Variants in OTOP1 observed in about 807,000 individuals in gnomAD.
OTOP1 encodes proton channel OTOP1.
OTOP1 carries 59 observed loss-of-function variants against 52.9 expected under a neutral mutation model. The ratio of observed to expected loss-of-function variants is 1.12; its 90% CI spans 0.91 to 1.39. The LOEUF (loss-of-function observed/expected upper bound fraction) is 1.39, where lower values mean the gene tolerates loss of function less well. Ranked by LOEUF, OTOP1 falls within the 40% of genes most tolerant of loss-of-function variation. The probability of loss-of-function intolerance (pLI) is 0.00; values close to 1 mark genes in which losing one functional copy is unlikely to be tolerated. For missense variants in OTOP1, 761 were observed against 800.9 expected (o/e 0.95, Z 0.60); for synonymous variants, 317 against 337.7 (o/e 0.94, Z 0.67).
intron 5 of OTOP1, among the ~76,000 whole-genome samples, chr4:4,193,296 C>T (rs1716552924): frequency 6.6e-6 from 1 of 152,152 alleles, no homozygotes; most frequent in South Asian, 2.1e-4. Flanking sequence ...TACACCATTC[C>T]TTAGAAGAGG....
intron 4 of OTOP1, among the ~76,000 whole-genome samples, chr4:4,202,207 C>T (rs112319089): frequency 0.029 from 4,404 of 152,248 alleles, 83 homozygotes; most frequent in Non-Finnish European, 0.044. Context: ...GAATAATCAC[C>T]GTGGGTCTTA....
At chr4:4,217,969 GAGAAAAGA>G (rs1717186251) in intron 1 of OTOP1, among the ~76,000 whole-genome samples, 1 of 152,078 alleles carries the variant, frequency 6.6e-6, no homozygotes, top group Non-Finnish European at 1.5e-5. Flanking sequence ...ATTAATAGGA[GAGAAAAGA>G]AGAAAAGAAC....
intron 2 of OTOP1, among the ~76,000 whole-genome samples, chr4:4,211,987 A>C (rs1307299145): frequency 4.6e-5 from 7 of 152,156 alleles, no homozygotes; most frequent in African/African-American, 1.7e-4. Context: ...TACCATACCC[A>C]AAAAAAGAAA....
Position 4,198,121 on chromosome 4 carries a change from A to G in OTOP1, c.731-18T>C, listed in dbSNP as rs375847865. 2.6e-5 allele frequency: 41 copies of G among 1,591,440 alleles called. No individual in the cohort carries two copies. The highest frequency in any genetic ancestry group is 3.4e-5 in the Non-Finnish European group (39 of 1,160,080). Reference sequence around the variant, plus strand: ...ATCTAAAACTAGGGGAGACAGGTAGATCACACAGGAGGGCGATTAGCAGGT... The same window carrying G: ...ATCTAAAACTAGGGGAGACAGGTAGGTCACACAGGAGGGCGATTAGCAGGT... On this transcript the variant is annotated intron_variant, in intron 4 of 5. Coordinates refer to ENST00000296358, the MANE Select transcript of OTOP1 (RefSeq NM_177998.3).
chr4:4,189,790 A>G (rs1037166606), intron 5 of OTOP1, among the ~76,000 whole-genome samples: 7 of 152,362 alleles, frequency 4.6e-5, no homozygotes, highest in African/African-American at 1.4e-4. Flanking sequence ...ACAGCCAGCA[A>G]GGAACTCAGA....
intron 1 of OTOP1, among the ~76,000 whole-genome samples, chr4:4,219,927 A>C (rs371704440): frequency 7.0e-6 from 1 of 142,082 alleles, no homozygotes; most frequent in Admixed American, 7.0e-5. Context: ...ATACGTATAC[A>C]TGTATACATA....
In OTOP1 at chr4:4,214,378, T is replaced by C. The variant is rs1267092795; in HGVS notation, c.404-1374A>G. 1.8e-4 allele frequency among the ~76,000 whole-genome samples: 28 copies of C among 152,298 alleles called. 1 individual carries two copies. The East Asian group carries it at 4.2e-3, about 23-fold the overall frequency. On this transcript the variant is annotated intron_variant, in intron 1 of 5. Coordinates refer to ENST00000296358, the MANE Select transcript of OTOP1 (RefSeq NM_177998.3). ...GGAATGTAAAATGGTACAGCTACTA[T>C]TGAAAACAGTAGGGAGGGCCTTCAA...
chr4:4,198,062 T>A lies in OTOP1; in HGVS notation c.772A>T (p.Thr258Ser), dbSNP rs1248708335. The change falls in exon 5 of 6, where the codon ACT (threonine) becomes TCT (serine). Residue 258 changes from threonine to serine, a missense_variant. Coordinates refer to ENST00000296358, the MANE Select transcript of OTOP1 (RefSeq NM_177998.3). The stretch of plus-strand genomic sequence containing the variant: ...CCGTGGGAGATGGCAGTGCACAGAG[T>A]TGGGGGCGTGCAGTTACACTGCGGT... ...HTPQCNCTPP[T>S]LCTAISHGIY... is the part of the protein sequence containing the mutation. 2 of 1,613,702 alleles carry A rather than the reference T, an allele frequency of 1.2e-6. No individual in the cohort carries two copies. Among genetic ancestry groups the A allele is most frequent in the African/African-American group, 1.3e-5 (1 of 74,762 alleles).
At chr4:4,217,907 G>C (rs1285446485) in intron 1 of OTOP1, among the ~76,000 whole-genome samples, 1 of 152,170 alleles carries the variant, frequency 6.6e-6, no homozygotes, top group Non-Finnish European at 1.5e-5. Flanking sequence ...TGGAAAGCTG[G>C]AGGAGGGTGG....
chr4:4,199,270 G>T (rs1716724963), intron 4 of OTOP1, among the ~76,000 whole-genome samples: 1 of 138,210 alleles, frequency 7.2e-6, no homozygotes, highest in Admixed American at 7.4e-5. Flanking sequence ...GAGAGAGAGA[G>T]AGAGAGGAAC....
chr4:4,215,071 C>T (rs908532988), intron 1 of OTOP1, among the ~76,000 whole-genome samples: 3 of 151,782 alleles, frequency 2.0e-5, no homozygotes, highest in African/African-American at 7.3e-5. Flanking sequence ...CACTTGAGGC[C>T]AAGAGCCTAA....
chr4:4,201,465 T>TACACACACACACAC (rs773676745), intron 4 of OTOP1, among the ~76,000 whole-genome samples: 2 of 86,104 alleles, frequency 2.3e-5, no homozygotes. Flanking sequence ...AATAAATATA[T>TACACACACACACAC]ATATATACAC....
intron 1 of OTOP1, among the ~76,000 whole-genome samples, chr4:4,226,066 G>A (rs1717425926): frequency 6.6e-6 from 1 of 152,224 alleles, no homozygotes; most frequent in African/African-American, 2.4e-5. Flanking sequence ...CCCCAGCACA[G>A]GATGAGAACA....
At chr4:4,193,905 A>G (rs1433417754) in intron 5 of OTOP1, among the ~76,000 whole-genome samples, 3 of 152,186 alleles carry the variant, frequency 2.0e-5, no homozygotes, top group East Asian at 3.9e-4. Context: ...AAAATATATT[A>G]GGCCAGGAGC....
chr4:4,226,734 G>C lies in OTOP1; in HGVS notation c.131C>G (p.Pro44Arg). 7.2e-7 allele frequency: 1 copy of C among 1,397,570 alleles called. No homozygotes were observed. The highest frequency in any genetic ancestry group is 9.3e-7 in the Non-Finnish European group (1 of 1,074,268). 86.6% of individuals were successfully genotyped at this position (1,397,570 alleles called of 1,614,324 possible). Residue 44 changes from proline to arginine, a missense_variant, in exon 1 of 6, where the codon CCC (proline) becomes CGC (arginine). By Grantham distance (103) the Pro-to-Arg change is moderately radical. Around this residue, in one of 3 missense-constraint regions of OTOP1, gnomAD observed 73 missense variants for 75.7 expected, o/e 0.96. Transcript: ENST00000296358. Reference protein sequence around the residue: ...SAPRSPESPAPRRGGVRASVP... With the variant: ...SAPRSPESPARRRGGVRASVP... The stretch of plus-strand genomic sequence containing the variant: ...GCTGGCGCGCACACCGCCCCGCCGG[G>C]GGGCCGGGGATTCCGGGGACCTCGG...
At chr4:4,214,852 G>T (rs1038978532) in intron 1 of OTOP1, among the ~76,000 whole-genome samples, 1 of 152,148 alleles carries the variant, frequency 6.6e-6, no homozygotes, top group Non-Finnish European at 1.5e-5. Context: ...TTTGCAAGAC[G>T]AAAAAGTTCT....
rs776617165 is a variant in OTOP1, at chr4:4,206,129, A to C, written c.542T>G (p.Val181Gly). ...VTHSVHTLLQVYFLWGHAKDI... is the reference protein window; with the variant it reads ...VTHSVHTLLQGYFLWGHAKDI... ...CTTTGCATGCCCCCAAAGAAAATAT[A>C]CCTAGATGGAAATAAAGAAAGAAAA... The change falls in exon 3 of 6, where the codon GTA becomes GGA. Residue 181 changes from valine to glycine, a missense_variant and splice_region_variant. By Grantham distance (109) the Val-to-Gly change is moderately radical (BLOSUM62 -3). This residue lies in a region of OTOP1 where 632 missense variants were observed against 619.5 expected (regional missense o/e 1.02). Coordinates refer to ENST00000296358, the MANE Select transcript of OTOP1 (RefSeq NM_177998.3). 17 of 1,600,124 alleles carry C rather than the reference A, an allele frequency of 1.1e-5. No individual in the cohort carries two copies. In the African/African-American group the frequency reaches 2.3e-4, roughly 21 times the overall value.
chr4:4,205,013 C>T lies in OTOP1; in HGVS notation c.599+1059G>A, dbSNP rs1716868599. ...GGTCTCAAACTCCTGACTTCGTGAT[C>T]CGCCCACCTGGGCCTCCCAAAGTGC... On this transcript the variant is annotated intron_variant, in intron 3 of 5. Transcript: ENST00000296358. 3.3e-5 allele frequency among the ~76,000 whole-genome samples: 5 copies of T among 152,152 alleles called. No individual in the cohort carries two copies. In the South Asian group the frequency reaches 1.0e-3, roughly 31 times the overall value.
chr4:4,225,424 C>T (rs151159382), intron 1 of OTOP1, among the ~76,000 whole-genome samples: 2 of 152,252 alleles, frequency 1.3e-5, no homozygotes, highest in South Asian at 2.1e-4. Context: ...CAAAACTTAG[C>T]TGGGCAAGGC....
Sources: gnomAD v4.1 joint callset for allele counts (sites outside exome capture counted in the v4.1 genomes callset) on GRCh38, gnomAD v4.1.1 for gene constraint, gnomAD v4.1.1 regional missense constraint, MANE v1.5 for transcripts, NCBI Gene and HGNC (gene_info 2026-07-23, HGNC 2026-07-21) for gene names.